KIF1A: variants seen among roughly 807,000 people sequenced by gnomAD.
The protein encoded by KIF1A is kinesin-like protein KIF1A.
Under a neutral mutation model 227.3 loss-of-function variants are expected in KIF1A, and 46 were observed. The observed-to-expected ratio is 0.20, with a 90% confidence interval of 0.16 to 0.26. The LOEUF is 0.26. Among genes scored for constraint, KIF1A ranks in the 10% least tolerant of loss-of-function variants. The pLI is 1.00. For synonymous variants in KIF1A, 1,022 were observed against 1,012.8 expected (o/e 1.01, Z -0.17); for missense variants, 1,683 against 2,485.9 (o/e 0.68, Z 6.87).
At chr2:240,816,149 A>AGTGTGTGTGT (rs71282124) in intron 1 of KIF1A, among the ~76,000 whole-genome samples, 114 of 150,512 alleles carry the variant, frequency 7.6e-4, no homozygotes, top group Middle Eastern at 3.5e-3. Context: ...AGGGATGCAG[A>AGTGTGTGTGT]GTGTGTGTGT....
intron 10 of KIF1A, among the ~76,000 whole-genome samples, chr2:240,782,389 G>C (rs947538420): frequency 6.6e-6 from 1 of 151,982 alleles, no homozygotes; most frequent in Non-Finnish European, 1.5e-5. Flanking sequence ...AGGCCGCCCC[G>C]GACGCCCTCC....
At chr2:240,719,553 G>T (rs984948012) in intron 46 of KIF1A, among the ~76,000 whole-genome samples, 12 of 152,358 alleles carry the variant, frequency 7.9e-5, no homozygotes, top group African/African-American at 2.9e-4. Flanking sequence ...CCCAGCCTAG[G>T]CATGTGGGTC....
chr2:240,815,995 T>C (rs1479469248), intron 1 of KIF1A, among the ~76,000 whole-genome samples: 1 of 151,780 alleles, frequency 6.6e-6, no homozygotes, highest in African/African-American at 2.4e-5. Flanking sequence ...AAACCTATGG[T>C]TGTGGAGGGG....
rs1054910801 is a variant in KIF1A, at chr2:240,761,473, T to C, written c.2117-96A>G. 15 of 1,207,962 alleles carry C rather than the reference T, an allele frequency of 1.2e-5. No homozygotes were observed. In the African/African-American group the frequency reaches 2.0e-4, roughly 16 times the overall value. The allele number at this position is 1,207,962 out of a possible 1,614,324, so 74.8% of individuals were successfully genotyped here. A position where few individuals can be genotyped will look rare whatever the true frequency, so the allele number is the denominator to read the frequency against. On this transcript the variant is annotated intron_variant, in intron 23 of 48. Transcript: ENST00000498729. Reference sequence around the variant, plus strand: ...AAGGTCAGGCTGGTCGGCCACTCCATGGGGCTGCCTAAGCTGACCCTGTGC... The same window carrying C: ...AAGGTCAGGCTGGTCGGCCACTCCACGGGGCTGCCTAAGCTGACCCTGTGC...
Position 240,745,435 on chromosome 2 carries a change from C to T in KIF1A, c.3457G>A (p.Val1153Ile), listed in dbSNP as rs530210018. ...AGTGCCCAGGAACGTACGTTCTGGA[C>T]GTGGTAGAAGCCAAGTGGGGGGCCT... The part of the protein sequence containing the change: ...GRGPPLGFYH[V>I]QNIAVEVTKS... The change falls in exon 32 of 49, where the codon GTC (valine) becomes ATC (isoleucine). Residue 1153 changes from valine to isoleucine, a missense_variant. Val to Ile is a conservative substitution (Grantham distance 29). Around this residue, in one of 12 missense-constraint regions of KIF1A, gnomAD observed 759 missense variants for 1,020.2 expected, o/e 0.74. Coordinates refer to ENST00000498729, the MANE Select transcript of KIF1A (RefSeq NM_001244008.2). 14 of 1,612,436 alleles carry T rather than the reference C, an allele frequency of 8.7e-6. No individual in the cohort carries two copies. The highest frequency in any genetic ancestry group is 1.7e-4 in the Middle Eastern group (1 of 6,060).
chr2:240,732,123 G>GAA (rs2046741991), intron 38 of KIF1A, among the ~76,000 whole-genome samples: 1 of 26,550 alleles, frequency 3.8e-5, no homozygotes, highest in African/African-American at 2.0e-4. Flanking sequence ...GAGGGATGAG[G>GAA]GGAGGGGAGG....
At position 240,766,582 on chromosome 2, in the gene KIF1A, C is replaced by T. The variant is rs965539245; in HGVS notation, c.1684+333G>A. 2.6e-5 allele frequency among the ~76,000 whole-genome samples: 4 copies of T among 152,198 alleles called. No individual in the cohort carries two copies. The highest frequency in any genetic ancestry group is 4.4e-5 in the Non-Finnish European group (3 of 68,030). ...CCGGCCAGCAGCCCACCTGTGCCCC[C>T]ACCTCCAGCCCTCAAGGAGGCTCAG... On this transcript the variant is annotated intron_variant, in intron 19 of 48. Transcript: ENST00000498729. The surrounding 1 kb of genome is among the most constrained non-coding windows in gnomAD (Gnocchi z 5.0).
chr2:240,753,065 G>A (rs2049413526), intron 27 of KIF1A, among the ~76,000 whole-genome samples: 2 of 152,172 alleles, frequency 1.3e-5, no homozygotes, highest in Non-Finnish European at 2.9e-5. Context: ...TGGGCTCTGG[G>A]GCCATCCACA....
intron 1 of KIF1A, among the ~76,000 whole-genome samples, chr2:240,814,301 C>T (rs752011870): frequency 1.3e-5 from 2 of 152,030 alleles, no homozygotes; most frequent in African/African-American, 2.4e-5. Context: ...GGAGAAAAGA[C>T]GAGTTGCCAA....
chr2:240,734,067 A>G (rs1369232289), intron 38 of KIF1A, among the ~76,000 whole-genome samples: 2 of 152,162 alleles, frequency 1.3e-5, no homozygotes, highest in Non-Finnish European at 2.9e-5. Flanking sequence ...TCTCTTCATG[A>G]ATTCACCACC....
chr2:240,725,558 A>T lies in KIF1A; in HGVS notation c.4123-154T>A. The T allele has an allele frequency of 1.3e-6, 1 of 753,346 alleles. No individual in the cohort carries two copies. Among genetic ancestry groups the T allele is most frequent in the Non-Finnish European group, 2.1e-6 (1 of 477,284 alleles). The allele number at this position is 753,346 out of a possible 1,614,324, so 46.7% of individuals were successfully genotyped here. ...TGTGGCCTGGACGCAGGCAGGAGAAAGTCTCTGCTCCTGCCCTCGAGAAAA... is the reference window on the plus strand; with the variant it reads ...TGTGGCCTGGACGCAGGCAGGAGAATGTCTCTGCTCCTGCCCTCGAGAAAA... On this transcript the variant is annotated intron_variant, in intron 39 of 48. Transcript: ENST00000498729. This position sits in a 1 kb window ranked among gnomAD's most constrained non-coding sequence, Gnocchi z 5.8.
At chr2:240,810,362 A>G (rs2057766122) in intron 1 of KIF1A, among the ~76,000 whole-genome samples, 2 of 152,242 alleles carry the variant, frequency 1.3e-5, no homozygotes, top group South Asian at 4.1e-4. Flanking sequence ...CCACGATAGT[A>G]ATTCGGAAAC....
intron 34 of KIF1A, 119 bp from the exon 35 acceptor site, chr2:240,741,496 CCCT>C: frequency 1.4e-6 from 1 of 734,584 alleles, no homozygotes; most frequent in Non-Finnish European, 2.1e-6. Flanking sequence ...GGGCACCTCC[CCCT>C]CCTCAAGGGA....
intron 33 of KIF1A, among the ~76,000 whole-genome samples, chr2:240,743,599 C>T (rs2048248709): frequency 6.6e-6 from 1 of 152,164 alleles, no homozygotes; most frequent in African/African-American, 2.4e-5. Flanking sequence ...CACAGCTGGG[C>T]CCCTTTCCTG....
intron 6 of KIF1A, 54 bp downstream of exon 6, chr2:240,786,281 G>A: frequency 2.6e-6 from 4 of 1,555,958 alleles, no homozygotes; most frequent in African/African-American, 1.4e-5. Context: ...GCTTCCTCCG[G>A]GGAGAGGCGG....
intron 5 of KIF1A, 121 bp from the exon 6 acceptor site, chr2:240,786,634 G>C (rs1346864800): frequency 1.1e-6 from 1 of 874,352 alleles, no homozygotes; most frequent in South Asian, 1.6e-5. Context: ...GGAGATGGGG[G>C]CCGCCATCAG....
rs533443360 is a variant in KIF1A at position 240,806,660 on chromosome 2, A to T, written c.-60-8848T>A. On this transcript the variant is annotated intron_variant, in intron 1 of 48. Coordinates refer to ENST00000498729, the MANE Select transcript of KIF1A (RefSeq NM_001244008.2). ...GCAAGAAATAGAAGTCAGACTCTCT[A>T]AAAACTAAAAATCATGTCTAGCATC... Among the ~76,000 whole-genome samples, 6 of 152,352 alleles carry T rather than the reference A, an allele frequency of 3.9e-5. No individual in the cohort carries two copies. The East Asian group carries it at 1.2e-3, about 29-fold the overall frequency.
chr2:240,782,518 A>AG (rs2054193325), intron 10 of KIF1A, 72 bp downstream of exon 10: 2 of 1,472,090 alleles, frequency 1.4e-6, no homozygotes, highest in Admixed American at 4.0e-5. Flanking sequence ...CCCTCACCAC[A>AG]GGGCGCCAAT....
In KIF1A at chr2:240,740,504, G is replaced by A. The variant is rs566444044; in HGVS notation, c.3750-140C>T. On this transcript the variant is annotated intron_variant, in intron 35 of 48. Coordinates refer to ENST00000498729, the MANE Select transcript of KIF1A (RefSeq NM_001244008.2). The surrounding 1 kb of genome is among the most constrained non-coding windows in gnomAD (Gnocchi z 6.1). The stretch of plus-strand genomic sequence containing the variant: ...TGAAGATCAGGTGGTCTGATCCATG[G>A]AGACCACGGTCAGCTGAGCACAGAA... The A allele has an allele frequency of 8.5e-6, 6 of 702,262 alleles. No individual in the cohort carries two copies. In the Admixed American group the frequency reaches 1.4e-4, roughly 17 times the overall value. 43.5% of individuals were successfully genotyped at this position (702,262 alleles called of 1,614,324 possible). A position where few individuals can be genotyped will look rare whatever the true frequency, so the allele number is the denominator to read the frequency against.
Sources: gnomAD v4.1 joint callset for allele counts (sites outside exome capture counted in the v4.1 genomes callset) on GRCh38, gnomAD v4.1.1 for gene constraint, gnomAD v4.1.1 regional missense constraint, Gnocchi (gnomAD v3.1) non-coding constraint, MANE v1.5 for transcripts, NCBI Gene and HGNC (gene_info 2026-07-23, HGNC 2026-07-21) for gene names.